The following LRRC7 variants were observed in gnomAD, a reference collection of about 807,000 sequenced individuals.
LRRC7 encodes the protein leucine rich repeat containing 7.
LRRC7 carries 23 observed loss-of-function variants against 175.7 expected under a neutral mutation model. That is an observed-to-expected ratio of 0.13 (90% CI 0.09 to 0.19). LRRC7 has a LOEUF of 0.19. Among genes scored for constraint, LRRC7 ranks in the 10% least tolerant of loss-of-function variants. LRRC7 has a pLI of 1.00. For missense variants in LRRC7, 1,354 were observed against 1,904.7 expected (o/e 0.71, Z 5.38); for synonymous variants, 685 against 680.9 (o/e 1.01, Z -0.09).
intron 7 of LRRC7, among the ~76,000 whole-genome samples, chr1:69,844,392 C>G (rs1682100483): frequency 6.6e-6 from 1 of 152,094 alleles, no homozygotes; most frequent in Non-Finnish European, 1.5e-5. Context: ...TCATTTGATG[C>G]TGTTTCTGTG....
chr1:69,966,295 G>C (rs1651660926), intron 8 of LRRC7, among the ~76,000 whole-genome samples: 3 of 152,044 alleles, frequency 2.0e-5, no homozygotes, highest in Admixed American at 1.3e-4. Context: ...TTGCCTTCCA[G>C]TTGTATATTG....
intron 21 of LRRC7, among the ~76,000 whole-genome samples, chr1:70,041,912 C>T (rs1331466998): frequency 6.6e-6 from 1 of 152,116 alleles, no homozygotes; most frequent in Non-Finnish European, 1.5e-5. Flanking sequence ...AGTTTGGAGG[C>T]CCTGCCTATC....
intron 1 of LRRC7, among the ~76,000 whole-genome samples, chr1:69,626,985 T>A (rs1651686051): frequency 6.6e-6 from 1 of 152,156 alleles, no homozygotes; most frequent in Admixed American, 6.5e-5. Context: ...GATGGACATT[T>A]GGGTTGGTTC....
chr1:69,914,685 A>G (rs1298567861), intron 7 of LRRC7, among the ~76,000 whole-genome samples: 2 of 152,190 alleles, frequency 1.3e-5, no homozygotes, highest in Non-Finnish European at 2.9e-5. Context: ...GGAAACTTAA[A>G]TATTCTTAGA....
chr1:70,083,901 A>G (rs1034544142), intron 24 of LRRC7, among the ~76,000 whole-genome samples: 1 of 152,112 alleles, frequency 6.6e-6, no homozygotes, highest in African/African-American at 2.4e-5. Context: ...ACACCTGACT[A>G]CTTCAAAAGC....
intron 3 of LRRC7, among the ~76,000 whole-genome samples, chr1:69,773,740 C>T (rs1263674465): frequency 6.6e-6 from 1 of 152,168 alleles, no homozygotes; most frequent in East Asian, 1.9e-4. Context: ...GTGCTAATCA[C>T]TTCATATGCA....
intron 3 of LRRC7, among the ~76,000 whole-genome samples, chr1:69,781,842 GAAGGGAGA>G (rs1281863230): frequency 1.9e-4 from 16 of 85,008 alleles, no homozygotes; most frequent in African/African-American, 7.6e-4. Flanking sequence ...AGGAAGGAAG[GAAGGGAGA>G]GAAAGAAAGA....
rs35639787 is a variant in LRRC7 at position 70,054,578 on chromosome 1, CTTTTTTTTTTTTTTT to C, written c.4230+1450_4230+1464del. ...TTGAATTATGGTTCTTTACACTCTA[CTTTTTTTTTTTTTTT>C]TTTTTTTTTTTTTTTTGAGACGGAG... On this transcript the variant is annotated intron_variant, in intron 23 of 26. Coordinates refer to ENST00000651989, the MANE Select transcript of LRRC7 (RefSeq NM_001370785.2). Among the ~76,000 whole-genome samples the C allele has an allele frequency of 4.5e-4, 24 of 53,836 alleles. 1 individual carries two copies. The highest frequency in any genetic ancestry group is 1.5e-3 in the African/African-American group (23 of 15,116). The allele number at this position is 53,836 out of a possible 152,430, so 35.3% of individuals were successfully genotyped here.
At chr1:69,590,305 T>G (rs1646581262) in intron 1 of LRRC7, among the ~76,000 whole-genome samples, 2 of 152,142 alleles carry the variant, frequency 1.3e-5, no homozygotes. Flanking sequence ...CTGGGGCTAA[T>G]AATGTCTATA....
intron 3 of LRRC7, among the ~76,000 whole-genome samples, chr1:69,773,025 A>G (rs1402861991): frequency 6.6e-6 from 1 of 152,208 alleles, no homozygotes; most frequent in Non-Finnish European, 1.5e-5. Context: ...TAAAGAGACA[A>G]TGGTGAATAT....
chr1:69,881,052 G>A lies in LRRC7; in HGVS notation c.647+42769G>A, dbSNP rs1483197085. Among the ~76,000 whole-genome samples the A allele has an allele frequency of 4.6e-5, 7 of 152,258 alleles. No homozygotes were observed. In the East Asian group the frequency reaches 1.4e-3, roughly 29 times the overall value. Reference sequence around the variant, plus strand: ...CCTGGATCCCCAAACATGTGCACATGGGACTTTGGATATAAAATTTCTAAA... The same window carrying A: ...CCTGGATCCCCAAACATGTGCACATAGGACTTTGGATATAAAATTTCTAAA... On this transcript the variant is annotated intron_variant, in intron 7 of 26. Transcript: ENST00000651989.
intron 23 of LRRC7, among the ~76,000 whole-genome samples, chr1:70,067,741 TAAG>T (rs2102104185): frequency 6.6e-6 from 1 of 152,240 alleles, no homozygotes; most frequent in African/African-American, 2.4e-5. Flanking sequence ...TTTCATTCCA[TAAG>T]TATAGTCTGT....
At chr1:69,616,376 T>C (rs1649620275) in intron 1 of LRRC7, among the ~76,000 whole-genome samples, 2 of 152,054 alleles carry the variant, frequency 1.3e-5, no homozygotes, top group Non-Finnish European at 2.9e-5. Flanking sequence ...ATACTGTACA[T>C]AAATCCATAA....
At chr1:69,887,739 C>A (rs1185194033) in intron 7 of LRRC7, among the ~76,000 whole-genome samples, 20 of 145,190 alleles carry the variant, frequency 1.4e-4, no homozygotes, top group South Asian at 4.4e-4. Context: ...TTTTCCCCAT[C>A]TTTGTGGTTT....
rs138946556 is a variant in LRRC7 at position 69,603,004 on chromosome 1, C to T, written c.2+34363C>T. On this transcript the variant is annotated intron_variant, in intron 1 of 26. Transcript: ENST00000651989. ...TACACTTTACTCTGTGAGGTTCACA[C>T]AATAACAAAATTGCCTAACAACACA... 2.3e-4 allele frequency among the ~76,000 whole-genome samples: 35 copies of T among 152,278 alleles called. No individual in the cohort carries two copies. In the East Asian group the frequency reaches 6.6e-3, roughly 29 times the overall value.
intron 11 of LRRC7, among the ~76,000 whole-genome samples, chr1:69,996,412 A>C (rs1654975191): frequency 1.3e-5 from 2 of 151,952 alleles, no homozygotes; most frequent in Admixed American, 6.6e-5. Context: ...ATTAGATCCC[A>C]TTTGTCAATT....
At chr1:69,801,309 G>A (rs1224925117) in intron 4 of LRRC7, among the ~76,000 whole-genome samples, 2 of 151,546 alleles carry the variant, frequency 1.3e-5, no homozygotes, top group African/African-American at 4.8e-5. Context: ...CTTCTTTGTA[G>A]GTTTGGAAGA....
At chr1:69,764,730 C>CAGATAGATAGATAGATAGATAGAT in intron 3 of LRRC7, among the ~76,000 whole-genome samples, 1 of 140,414 alleles carries the variant, frequency 7.1e-6, no homozygotes, top group African/African-American at 2.7e-5. Flanking sequence ...GATAGATAGA[C>CAGATAGATAGATAGATAGATAGAT]AGATAGATAG....
intron 1 of LRRC7, among the ~76,000 whole-genome samples, chr1:69,589,115 G>GGTGTGTGTGTGTGT (rs55678803): frequency 1.4e-5 from 2 of 142,354 alleles, no homozygotes; most frequent in African/African-American, 5.2e-5. Flanking sequence ...TCATAAAAAG[G>GGTGTGTGTGTGTGT]GTGTGTGTGT....
Sources: gnomAD v4.1 joint callset for allele counts (sites outside exome capture counted in the v4.1 genomes callset) on GRCh38, gnomAD v4.1.1 for gene constraint, MANE v1.5 for transcripts, NCBI Gene and HGNC (gene_info 2026-07-23, HGNC 2026-07-21) for gene names.